EIF2B3: variants seen among roughly 807,000 people sequenced by gnomAD.
EIF2B3 encodes eukaryotic translation initiation factor 2B subunit gamma.
In EIF2B3, 20 loss-of-function variants were observed where a neutral mutation model predicts 54.1. The ratio of observed to expected loss-of-function variants is 0.37; its 90% confidence interval spans 0.26 to 0.54. The LOEUF is 0.54. Among genes scored for constraint, EIF2B3 ranks in the 20% least tolerant of loss-of-function variants. EIF2B3 has a pLI of 0.86. For synonymous variants in EIF2B3, 153 were observed against 188.1 expected (o/e 0.81, Z 1.52); for missense variants, 448 against 547.8 (o/e 0.82, Z 1.82).
rs1644392663 is a variant in EIF2B3, at chr1:44,970,892, AAC to A, written c.294+7421_294+7422del. 2.6e-5 allele frequency among the ~76,000 whole-genome samples: 4 copies of A among 152,172 alleles called. No individual in the cohort carries two copies. In the South Asian group the frequency reaches 8.3e-4, roughly 31 times the overall value. On this transcript the variant is annotated intron_variant, in intron 3 of 11. Coordinates refer to ENST00000360403, the MANE Select transcript of EIF2B3 (RefSeq NM_020365.5). ...TTCAGGGGCTATTGTAGTAAGAAAA[AAC>A]CAAGTAAAGATAGCAAAGACTTGCT... is the stretch of plus-strand genomic sequence containing the variant.
rs75245888 is a variant in EIF2B3 at position 44,975,351 on chromosome 1, T to G, written c.294+2964A>C. On this transcript the variant is annotated intron_variant, in intron 3 of 11. Transcript: ENST00000360403. The stretch of plus-strand genomic sequence containing the variant: ...GAGAAATCCGGTATGTTCTGAGAAA[T>G]GCATTGTTAGGTGATTTCGTTGTGC... Among the ~76,000 whole-genome samples the G allele has an allele frequency of 3.6e-3, 546 of 152,306 alleles. 4 individuals are homozygous for G. The highest frequency in any genetic ancestry group is 0.012 in the African/African-American group (499 of 41,564).
At chr1:44,984,266 G>A (rs923035770) in intron 1 of EIF2B3, among the ~76,000 whole-genome samples, 21 of 152,268 alleles carry the variant, frequency 1.4e-4, no homozygotes, top group South Asian at 2.1e-4. Flanking sequence ...GCCAAGATGA[G>A]AGGATCACTT....
chr1:44,872,395 C>T (rs1654994982), intron 10 of EIF2B3, among the ~76,000 whole-genome samples: 1 of 152,098 alleles, frequency 6.6e-6, no homozygotes, highest in Admixed American at 6.5e-5. Flanking sequence ...CCTGTAATCC[C>T]AGCACTTTGG....
At chr1:44,874,496 G>C (rs979113785) in intron 10 of EIF2B3, 182 bp downstream of exon 10, 8 of 654,784 alleles carry the variant, frequency 1.2e-5, no homozygotes, top group African/African-American at 1.8e-5. Context: ...CCATTTTAGA[G>C]GAATAAATTT....
At chr1:44,932,160 A>T (rs537462588) in intron 4 of EIF2B3, among the ~76,000 whole-genome samples, 1 of 152,232 alleles carries the variant, frequency 6.6e-6, no homozygotes, top group African/African-American at 2.4e-5. Context: ...AATAAACATC[A>T]TTTTAACTGG....
intron 11 of EIF2B3, among the ~76,000 whole-genome samples, chr1:44,857,462 C>T (rs961135462): frequency 5.3e-5 from 8 of 151,164 alleles, no homozygotes; most frequent in African/African-American, 1.7e-4. Context: ...ACCCGGGAGG[C>T]GGAGGTTTCA....
At chr1:44,948,404 G>C (rs544877455) in intron 3 of EIF2B3, among the ~76,000 whole-genome samples, 37 of 152,012 alleles carry the variant, frequency 2.4e-4, no homozygotes, top group African/African-American at 8.2e-4. Flanking sequence ...TCTCTTGGCT[G>C]GTGTCTCTCT....
chr1:44,934,277 A>G (rs2148936823), intron 4 of EIF2B3, among the ~76,000 whole-genome samples: 1 of 151,998 alleles, frequency 6.6e-6, no homozygotes, highest in Non-Finnish European at 1.5e-5. Context: ...AGGCGCCTGT[A>G]ATCCCAGCTA....
Position 44,941,510 on chromosome 1 carries a change from T to C in EIF2B3, c.450A>G (p.Lys150=), listed in dbSNP as rs1224322020. 7 of 1,573,668 alleles carry C rather than the reference T, an allele frequency of 4.4e-6. No individual in the cohort carries two copies. Among genetic ancestry groups the C allele is most frequent in the South Asian group, 2.4e-5 (2 of 84,948 alleles). The change falls in exon 4 of 12, where the codon AAA becomes AAG. Residue 150 remains lysine, a synonymous_variant. Coordinates refer to ENST00000360403, the MANE Select transcript of EIF2B3 (RefSeq NM_020365.5). ...ACAAACTCCAATCTTCCTTACCTGC[T>C]TTTTTTTTCCCCTTTTGACCGGGAA... The part of the protein sequence containing the change: ...EPVPGQKGKK[K]AVEQRDFIGV...
At position 44,881,675 on chromosome 1, in the gene EIF2B3, A is replaced by G. The variant is rs1655405993; in HGVS notation, c.721T>C (p.Ser241Pro). The G allele has an allele frequency of 6.2e-7, 1 of 1,614,124 alleles. No individual in the cohort carries two copies. Among genetic ancestry groups the G allele is most frequent in the East Asian group, 2.2e-5 (1 of 44,890 alleles). The change falls in exon 7 of 12, where the codon TCC (serine) becomes CCC (proline). Residue 241 changes from serine (S) to proline (P), a missense_variant. Transcript: ENST00000360403. The surrounding 1 kb of genome is among the most constrained non-coding windows in gnomAD (Gnocchi z 4.0). ...TTTTCTTCTTGTCCCTGTTGTGAGG[A>G]AGCTGAGGAAAACTGTTTTCTCACT... ...YLVRKQFSSA[S>P]SQQGQEEKEE...
At chr1:44,950,622 T>G (rs945998185) in intron 3 of EIF2B3, among the ~76,000 whole-genome samples, 1 of 152,230 alleles carries the variant, frequency 6.6e-6, no homozygotes, top group African/African-American at 2.4e-5. Flanking sequence ...AATTATTAAT[T>G]TATTAAATGA....
At chr1:44,901,455 T>G (rs1327165774) in intron 5 of EIF2B3, among the ~76,000 whole-genome samples, 3 of 151,966 alleles carry the variant, frequency 2.0e-5, no homozygotes, top group Admixed American at 6.6e-5. Flanking sequence ...CTCACTTTGT[T>G]GCCCAGGCTC....
chr1:44,935,520 G>A (rs1157600139), intron 4 of EIF2B3, among the ~76,000 whole-genome samples: 1 of 152,088 alleles, frequency 6.6e-6, no homozygotes, highest in African/African-American at 2.4e-5. Context: ...TTATTTTGGA[G>A]ATGGAGTCTT....
chr1:44,967,396 G>A (rs931280146), intron 3 of EIF2B3, among the ~76,000 whole-genome samples: 2 of 145,602 alleles, frequency 1.4e-5, no homozygotes, highest in African/African-American at 2.6e-5. Context: ...GCGAAAAGCC[G>A]AGATCCCACC....
chr1:44,872,168 G>A (rs113343603), intron 10 of EIF2B3, among the ~76,000 whole-genome samples: 2 of 152,136 alleles, frequency 1.3e-5, no homozygotes, highest in Admixed American at 6.5e-5. Flanking sequence ...GAGTAGCTGA[G>A]ACTACTGATG....
chr1:44,850,939 C>T lies in EIF2B3; in HGVS notation c.*12G>A. Reference sequence around the variant, plus strand: ...TGGAGGCCAAAAGGAAGGAGTCTGACTTGCTCAGAACTCAGATCTCCATGA... The same window carrying T: ...TGGAGGCCAAAAGGAAGGAGTCTGATTTGCTCAGAACTCAGATCTCCATGA... On this transcript the variant is annotated 3_prime_UTR_variant, in exon 12 of 12. Coordinates refer to ENST00000360403, the MANE Select transcript of EIF2B3 (RefSeq NM_020365.5). The T allele has an allele frequency of 1.2e-6, 2 of 1,614,070 alleles. No homozygotes were observed. Among genetic ancestry groups the T allele is most frequent in the Non-Finnish European group, 1.7e-6 (2 of 1,179,920 alleles).
intron 10 of EIF2B3, among the ~76,000 whole-genome samples, chr1:44,865,744 G>C (rs968150583): frequency 6.6e-6 from 1 of 151,820 alleles, no homozygotes; most frequent in East Asian, 1.9e-4. Flanking sequence ...CACCACGCCC[G>C]AGTAATTTTG....
At chr1:44,964,172 T>C (rs1006653882) in intron 3 of EIF2B3, among the ~76,000 whole-genome samples, 1 of 149,010 alleles carries the variant, frequency 6.7e-6, no homozygotes, top group Non-Finnish European at 1.5e-5. Flanking sequence ...TATATCCAAC[T>C]CGTTTCTGCC....
intron 6 of EIF2B3, among the ~76,000 whole-genome samples, chr1:44,892,019 G>A (rs528897182): frequency 6.6e-5 from 10 of 152,194 alleles, no homozygotes; most frequent in Admixed American, 3.9e-4. Context: ...GATTACAGGC[G>A]TGAGCTATTG....
Sources: gnomAD v4.1 joint callset for allele counts (sites outside exome capture counted in the v4.1 genomes callset) on GRCh38, gnomAD v4.1.1 for gene constraint, Gnocchi (gnomAD v3.1) non-coding constraint, MANE v1.5 for transcripts, NCBI Gene and HGNC (gene_info 2026-07-23, HGNC 2026-07-21) for gene names.